Variants in SECISBP2 observed in about 807,000 individuals in gnomAD.
The protein encoded by SECISBP2 is SECIS binding protein 2.
A neutral mutation model predicts 98.2 loss-of-function variants in SECISBP2; 96 were observed. The ratio of observed to expected loss-of-function variants is 0.98; its 90% CI spans 0.83 to 1.16. The LOEUF (loss-of-function observed/expected upper bound fraction) is 1.16, where lower values mean the gene tolerates loss of function less well. Among genes scored for constraint, SECISBP2 ranks in the 50% most tolerant of loss-of-function variants. SECISBP2 has a pLI of 0.00. For synonymous variants in SECISBP2, 407 were observed against 370.2 expected, an observed-to-expected ratio of 1.10 and a Z score of -1.14; for missense variants, 1,046 against 1,022.9, an observed-to-expected ratio of 1.02 and a Z score of -0.31.
At chr9:89,320,320 C>T (rs1825523573) in intron 2 of SECISBP2, among the ~76,000 whole-genome samples, 1 of 132,780 alleles carries the variant, frequency 7.5e-6, no homozygotes. Flanking sequence ...AGCACCACTA[C>T]ACTCAAGCCT....
At chr9:89,319,543 C>T in intron 1 of SECISBP2, 109 bp from the exon 2 acceptor site, 1 of 1,259,268 alleles carries the variant, frequency 7.9e-7, no homozygotes, top group Non-Finnish European at 1.2e-6. Context: ...TTTTAAACAA[C>T]ATCGGGAACA....
At position 89,325,418 on chromosome 9, in the gene SECISBP2, TTTAC is replaced by T; in HGVS notation, c.183-5_183-2del. 1 of 1,613,710 alleles carries T rather than the reference TTTAC, an allele frequency of 6.2e-7. No individual in the cohort carries two copies. Among genetic ancestry groups the T allele is most frequent in the Non-Finnish European group, 8.5e-7 (1 of 1,179,860 alleles). On this transcript the variant is annotated splice_polypyrimidine_tract_variant and splice_region_variant and intron_variant, in intron 2 of 16. Transcript: ENST00000375807. Reference sequence around the variant, plus strand: ...AAATCTGCAACTAAAGTTTACACTTTTTACTTAGGCAGAAAATATATACTGAAGA... The same window carrying T: ...AAATCTGCAACTAAAGTTTACACTTTTTAGGCAGAAAATATATACTGAAGA...
chr9:89,336,635 C>T (rs76049460), intron 7 of SECISBP2, among the ~76,000 whole-genome samples: 1,874 of 150,870 alleles, frequency 0.012, 42 homozygotes, highest in African/African-American at 0.044. Context: ...TGAGAGAGAG[C>T]AGTATGTGTA....
chr9:89,359,053 A>G lies in SECISBP2; in HGVS notation c.*229A>G. On this transcript the variant is annotated 3_prime_UTR_variant, in exon 17 of 17. Transcript: ENST00000375807. ...GTTAATCTTCTCTAAAAGCCTGGTG[A>G]TACAGCTCTGGCTTTCTGAGCACAC... 2 of 549,604 alleles carry G rather than the reference A, an allele frequency of 3.6e-6. No individual in the cohort carries two copies. The highest frequency in any genetic ancestry group is 4.1e-5 in the South Asian group (2 of 49,032). 34.0% of individuals were successfully genotyped at this position (549,604 alleles called of 1,614,324 possible). A position where few individuals can be genotyped will look rare whatever the true frequency, so the allele number is the denominator to read the frequency against.
In SECISBP2 at chr9:89,349,793, G is replaced by C; in HGVS notation, c.1756G>C (p.Glu586Gln). The C allele has an allele frequency of 6.2e-7, 1 of 1,614,128 alleles. No individual in the cohort carries two copies. The highest frequency in any genetic ancestry group is 8.5e-7 in the Non-Finnish European group (1 of 1,180,016). ...CCATGAAGGGCCAGAGGGGATGGAC[G>C]AACTGATCTCCACTCCTTCGGTTGA... ...AELSGPEGMD[E>Q]LISTPSVEDK... The change falls in exon 13 of 17, where the codon GAA becomes CAA. Residue 586 changes from glutamate to glutamine, a missense_variant. Glu to Gln is a conservative substitution (Grantham distance 29, BLOSUM62 2). Coordinates refer to ENST00000375807, the MANE Select transcript of SECISBP2 (RefSeq NM_024077.5).
chr9:89,320,655 A>C (rs1263747033), intron 2 of SECISBP2, among the ~76,000 whole-genome samples: 2 of 152,188 alleles, frequency 1.3e-5, no homozygotes, highest in Non-Finnish European at 2.9e-5. Context: ...TTTCAGGCTT[A>C]AGTTCTTCTA....
intron 1 of SECISBP2, 147 bp downstream of exon 1, chr9:89,318,759 A>G: frequency 2.4e-6 from 3 of 1,235,850 alleles, no homozygotes; most frequent in South Asian, 2.1e-5. Context: ...GGTGGCCGCG[A>G]TCTTCGCGCC....
intron 10 of SECISBP2, 31 bp from the exon 11 acceptor site, chr9:89,346,851 A>G (rs774439391): frequency 1.2e-6 from 2 of 1,613,494 alleles, no homozygotes; most frequent in African/African-American, 1.3e-5. Context: ...CTGGGAGGTG[A>G]CCGTGAGGGC....
At chr9:89,364,599 G>A (rs1198923296), downstream of SECISBP2, 2 of 157,750 alleles carry the variant, frequency 1.3e-5, no homozygotes, top group Non-Finnish European at 2.8e-5. Flanking sequence ...CATGGACTCT[G>A]GGCCCGACAT....
At chr9:89,366,962 C>T in the SECISBP2 span, among the ~76,000 whole-genome samples, 26,854 of 152,092 alleles carry the variant, frequency 0.18, 2,872 homozygotes, top group East Asian at 0.28. Flanking sequence ...ACCCAACGCC[C>T]CATCATGGGA....
At chr9:89,326,978 C>T (rs1435814605) in intron 4 of SECISBP2, among the ~76,000 whole-genome samples, 4 of 152,062 alleles carry the variant, frequency 2.6e-5, no homozygotes, top group Admixed American at 6.5e-5. Context: ...CTGGCTAACA[C>T]GGTGAAACCC....
intron 1 of SECISBP2, 39 bp downstream of exon 1, chr9:89,318,651 G>T: frequency 7.2e-7 from 1 of 1,387,070 alleles, no homozygotes; most frequent in Non-Finnish European, 9.3e-7. Context: ...GCCTCAGTCC[G>T]TCCGCCTGCC....
chr9:89,331,191 G>T (rs529554209), intron 5 of SECISBP2, among the ~76,000 whole-genome samples: 38 of 152,166 alleles, frequency 2.5e-4, no homozygotes, highest in Admixed American at 7.9e-4. Flanking sequence ...TTATAAATAC[G>T]TACAGTCTTA....
chr9:89,341,356 A>T lies in SECISBP2; in HGVS notation c.1312A>T (p.Lys438Ter), dbSNP rs119461977. 9.3e-6 allele frequency: 15 copies of T among 1,613,444 alleles called. No individual in the cohort carries two copies. Among genetic ancestry groups the T allele is most frequent in the African/African-American group, 2.7e-5 (2 of 74,894 alleles). Residue 438 changes from lysine to a stop codon, truncating the protein, a stop_gained, in exon 10 of 17, where the codon AAA becomes TAA. Coordinates refer to ENST00000375807, the MANE Select transcript of SECISBP2 (RefSeq NM_024077.5). LOFTEE classifies it high-confidence loss of function. ...QSKQQPQDNF[K>*]NNVKKSQLPV... ...AATTTTGAACTTTCAGGATAATTTT[A>T]AAAATAATGTAAAGAAGAGCCAGCT...
chr9:89,359,006 A>C lies in SECISBP2; in HGVS notation c.*182A>C. On this transcript the variant is annotated 3_prime_UTR_variant, in exon 17 of 17. Coordinates refer to ENST00000375807, the MANE Select transcript of SECISBP2 (RefSeq NM_024077.5). ...GCGTTCAGTGCTGCGGAGCCTGTTA[A>C]AGGTCACTCAGATGTGCAGGTGTTA... 1.6e-6 allele frequency: 1 copy of C among 612,130 alleles called. No homozygotes were observed. The highest frequency in any genetic ancestry group is 2.9e-6 in the Non-Finnish European group (1 of 344,108). 37.9% of individuals were successfully genotyped at this position (612,130 alleles called of 1,614,324 possible). A position where few individuals can be genotyped will look rare whatever the true frequency, so the allele number is the denominator to read the frequency against.
chr9:89,339,056 G>T (rs1206420948), intron 8 of SECISBP2, among the ~76,000 whole-genome samples: 2 of 152,310 alleles, frequency 1.3e-5, no homozygotes, highest in Admixed American at 6.5e-5. Context: ...TGCTTTAATT[G>T]TTCCATGATA....
At chr9:89,348,540 C>T (rs1830778440) in intron 12 of SECISBP2, among the ~76,000 whole-genome samples, 1 of 152,242 alleles carries the variant, frequency 6.6e-6, no homozygotes, top group Admixed American at 6.5e-5. Context: ...AGCTGCTTAC[C>T]AGCAAGTATT....
In SECISBP2 at chr9:89,325,461, G is replaced by A. The variant is rs1235113184; in HGVS notation, c.217G>A (p.Ala73Thr). Residue 73 changes from alanine (A) to threonine (T), a missense_variant, in exon 3 of 17, where the codon GCT (alanine) becomes ACT (threonine). Coordinates refer to ENST00000375807, the MANE Select transcript of SECISBP2 (RefSeq NM_024077.5). ...ATATACTGAAGACATGGCCTTTGGA[G>A]CTTCAACTTTTCCACCTCAGTATTT... ...KIYTEDMAFG[A>T]STFPPQYLSS... is the part of the protein sequence containing the mutation. 1.2e-6 allele frequency: 2 copies of A among 1,613,896 alleles called. No homozygotes were observed. Among genetic ancestry groups the A allele is most frequent in the African/African-American group, 1.3e-5 (1 of 74,942 alleles).
intron 14 of SECISBP2, among the ~76,000 whole-genome samples, chr9:89,356,042 G>A (rs964654518): frequency 2.0e-5 from 3 of 152,146 alleles, no homozygotes; most frequent in Non-Finnish European, 4.4e-5. Context: ...GTATTTTAAA[G>A]CAGGCGTCCC....
Sources: gnomAD v4.1 joint callset for allele counts (sites outside exome capture counted in the v4.1 genomes callset) on GRCh38, gnomAD v4.1.1 for gene constraint, MANE v1.5 for transcripts, NCBI Gene and HGNC (gene_info 2026-07-23, HGNC 2026-07-21) for gene names.